Variants in FST observed in about 807,000 individuals in gnomAD.
FST encodes follistatin.
Under a neutral mutation model 38.4 loss-of-function variants are expected in FST, and 6 were observed. That is an observed-to-expected ratio of 0.16 (90% confidence interval 0.09 to 0.31). The LOEUF (loss-of-function observed/expected upper bound fraction) is 0.31. FST is among the 10% of genes least tolerant of loss of function. FST has a pLI of 1.00. For synonymous variants in FST, 157 were observed against 169.8 expected (o/e 0.92, Z 0.59); for missense variants, 301 against 432.3 (o/e 0.70, Z 2.69).
Position 53,482,995 on chromosome 5 carries a change from G to T in FST, c.201G>T (p.Glu67Asp). Residue 67 changes from glutamate to aspartate, a missense_variant, in exon 2 of 6, where the codon GAG (glutamate) becomes GAT (aspartate). By Grantham distance (45) the Glu-to-Asp change is conservative. Transcript: ENST00000256759. The part of the protein sequence containing the change: ...STGRLSTSWT[E>D]EDVNDNTLFK... The stretch of plus-strand genomic sequence containing the variant: ...GCCGGCTGAGCACCTCGTGGACCGA[G>T]GAGGACGTGAATGACAACACACTCT... The T allele has an allele frequency of 2.5e-6, 4 of 1,613,982 alleles. No individual in the cohort carries two copies. Among genetic ancestry groups the T allele is most frequent in the Non-Finnish European group, 3.4e-6 (4 of 1,179,836 alleles).
intron 1 of FST, among the ~76,000 whole-genome samples, chr5:53,481,462 C>CAAAAAAAAAAAAAAAA (rs70983342): frequency 8.3e-5 from 4 of 48,068 alleles, no homozygotes; most frequent in African/African-American, 3.5e-4. Flanking sequence ...CCCATTCTCG[C>CAAAAAAAAAAAAAAAA]AAAAAAAAAA....
chr5:53,483,087 C>G lies in FST; in HGVS notation c.277+16C>G. On this transcript the variant is annotated intron_variant, in intron 2 of 5. Transcript: ENST00000256759. The surrounding 1 kb of genome is among the most constrained non-coding windows in gnomAD (Gnocchi z 4.1). ...CCCTGTAAAGGTAGGACTCCTTCTT[C>G]CCAACTTGCAGGCCCTCAGTAGAGG... 6.3e-7 allele frequency: 1 copy of G among 1,589,682 alleles called. No individual in the cohort carries two copies. The highest frequency in any genetic ancestry group is 1.3e-5 in the African/African-American group (1 of 74,662).
At position 53,480,801 on chromosome 5, in the gene FST, G is replaced by A. The variant is rs1309603817; in HGVS notation, c.10G>A (p.Ala4Thr). MVR[A>T]RHQPGGLCLL... ...CGCGCCTGCCCCCAGGATGGTCCGC[G>A]CGAGGCACCAGCCGGGTGGGCTTTG... Residue 4 changes from alanine (A) to threonine (T), a missense_variant, in exon 1 of 6, where the codon GCG (alanine) becomes ACG (threonine). By Grantham distance (58) the Ala-to-Thr change is moderately conservative. Transcript: ENST00000256759. 1 of 1,505,952 alleles carries A rather than the reference G, an allele frequency of 6.6e-7. No individual in the cohort carries two copies. Among genetic ancestry groups the A allele is most frequent in the Non-Finnish European group, 8.9e-7 (1 of 1,123,200 alleles). The allele number at this position is 1,505,952 out of a possible 1,614,324, so 93.3% of individuals were successfully genotyped here.
At chr5:53,482,815 G>C (rs1396744555) in intron 1 of FST, 65 bp from the exon 2 acceptor site, 12 of 908,306 alleles carry the variant, frequency 1.3e-5, no homozygotes, top group African/African-American at 5.1e-5. Flanking sequence ...TAGCCACCTC[G>C]CTCTCCCTGC....
Position 53,483,749 on chromosome 5 carries a change from T to C in FST, c.496+27T>C. Reference sequence around the variant, plus strand: ...TAGGTCCTACCCTGTTGAGCAAGACTGGATCTGTCCCCTCCTCCAGCTTTG... The same window carrying C: ...TAGGTCCTACCCTGTTGAGCAAGACCGGATCTGTCCCCTCCTCCAGCTTTG... On this transcript the variant is annotated intron_variant, in intron 3 of 5. Transcript: ENST00000256759. The surrounding 1 kb of genome is among the most constrained non-coding windows in gnomAD (Gnocchi z 4.1). The C allele has an allele frequency of 6.5e-7, 1 of 1,533,080 alleles. No homozygotes were observed. Among genetic ancestry groups the C allele is most frequent in the Non-Finnish European group, 9.0e-7 (1 of 1,107,382 alleles). 95.0% of individuals were successfully genotyped at this position (1,533,080 alleles called of 1,614,324 possible). A position where few individuals can be genotyped will look rare whatever the true frequency, so the allele number is the denominator to read the frequency against.
In FST at chr5:53,485,138, A is replaced by G. The variant is rs759875592; in HGVS notation, c.863A>G (p.Asn288Ser). The G allele has an allele frequency of 2.0e-5, 32 of 1,613,378 alleles. No individual in the cohort carries two copies. The highest frequency in any genetic ancestry group is 2.5e-5 in the Non-Finnish European group (30 of 1,179,424). The change falls in exon 5 of 6, where the codon AAT becomes AGT. Residue 288 changes from asparagine to serine, a missense_variant. Asn to Ser is a conservative substitution (Grantham distance 46). Transcript: ENST00000256759. ...GATGAGCCTGTCTGTGCCAGTGACA[A>G]TGCCACTTATGCCAGCGAGTGTGCC... Reference protein sequence around the residue: ...KSDEPVCASDNATYASECAMK... With the variant: ...KSDEPVCASDSATYASECAMK...
chr5:53,484,911 A>T (rs1310071179), intron 4 of FST, 86 bp from the exon 5 acceptor site: 1 of 686,498 alleles, frequency 1.5e-6, no homozygotes, highest in Non-Finnish European at 2.6e-6. Flanking sequence ...AATTATGTTT[A>T]TATTTATTGA....
Position 53,486,049 on chromosome 5 carries a change from T to C in FST, c.*16T>C. On this transcript the variant is annotated 3_prime_UTR_variant, in exon 6 of 6. Coordinates refer to ENST00000256759, the MANE Select transcript of FST (RefSeq NM_013409.3). ...AGAGTGGTAAACTCTCTATAAGTGT[T>C]CAGTGTTGACATAGCCTTTGTGCAA... 1 of 1,079,338 alleles carries C rather than the reference T, an allele frequency of 9.3e-7. No homozygotes were observed. Among genetic ancestry groups the C allele is most frequent in the Non-Finnish European group, 1.3e-6 (1 of 748,648 alleles). The allele number at this position is 1,079,338 out of a possible 1,614,324, so 66.9% of individuals were successfully genotyped here. A position where few individuals can be genotyped will look rare whatever the true frequency, so the allele number is the denominator to read the frequency against.
chr5:53,482,739 C>T, intron 1 of FST, 141 bp from the exon 2 acceptor site: 2 of 576,260 alleles, frequency 3.5e-6, no homozygotes, highest in Non-Finnish European at 6.3e-6. Flanking sequence ...TACTTTTCTC[C>T]CGCGTCTCTC....
chr5:53,485,073 G>A lies in FST; in HGVS notation c.798G>A (p.Arg266=). 1 of 1,612,352 alleles carries A rather than the reference G, an allele frequency of 6.2e-7. No individual in the cohort carries two copies. Among genetic ancestry groups the A allele is most frequent in the Non-Finnish European group, 8.5e-7 (1 of 1,178,386 alleles). Residue 266 remains arginine, a synonymous_variant, in exon 5 of 6, where the codon CGG becomes CGA. Coordinates refer to ENST00000256759, the MANE Select transcript of FST (RefSeq NM_013409.3). ...GGGATTTCAAGGTTGGGAGAGGCCGGTGTTCCCTCTGTGATGAGCTGTGCC... is the reference window on the plus strand; with the variant it reads ...GGGATTTCAAGGTTGGGAGAGGCCGATGTTCCCTCTGTGATGAGCTGTGCC... The part of the protein sequence containing the change: ...CLWDFKVGRG[R]CSLCDELCPD...
At chr5:53,481,462 C>A (rs1365637216) in intron 1 of FST, among the ~76,000 whole-genome samples, 64 of 48,056 alleles carry the variant, frequency 1.3e-3, no homozygotes, top group East Asian at 4.0e-3. Context: ...CCCATTCTCG[C>A]AAAAAAAAAA....
chr5:53,486,005 T>C lies in FST; in HGVS notation c.1007T>C (p.Phe336Ser), dbSNP rs1429334660. The stretch of plus-strand genomic sequence containing the variant: ...GAAGATGAAGACCAGGACTACAGCT[T>C]TCCTATATCTTCTATTCTAGAGTGG... ...EEEDEDQDYS[F>S]PISSILEW The change falls in exon 6 of 6, where the codon TTT becomes TCT. Residue 336 changes from phenylalanine (F) to serine (S), a missense_variant. Coordinates refer to ENST00000256759, the MANE Select transcript of FST (RefSeq NM_013409.3). 6.3e-7 allele frequency: 1 copy of C among 1,591,846 alleles called. No individual in the cohort carries two copies. The highest frequency in any genetic ancestry group is 2.2e-5 in the East Asian group (1 of 44,760).
chr5:53,482,934 A>G lies in FST; in HGVS notation c.140A>G (p.Lys47Arg), dbSNP rs763604239. The change falls in exon 2 of 6, where the codon AAG becomes AGG. Residue 47 changes from lysine to arginine, a missense_variant. Lys to Arg is a conservative substitution (Grantham distance 26, BLOSUM62 2). Coordinates refer to ENST00000256759, the MANE Select transcript of FST (RefSeq NM_013409.3). The stretch of plus-strand genomic sequence containing the variant: ...AACGGCCGCTGCCAGGTCCTGTACA[A>G]GACCGAACTGAGCAAGGAGGAGTGC... ...AKNGRCQVLY[K>R]TELSKEECCS... 1 of 1,613,622 alleles carries G rather than the reference A, an allele frequency of 6.2e-7. No homozygotes were observed. The highest frequency in any genetic ancestry group is 1.7e-5 in the Admixed American group (1 of 60,028).
At chr5:53,485,569 A>T in intron 5 of FST, 1 of 737,056 alleles carries the variant, frequency 1.4e-6, no homozygotes, top group Non-Finnish European at 2.4e-6. Context: ...TTTTCCAACG[A>T]CAGCTTCATA....
intron 1 of FST, among the ~76,000 whole-genome samples, chr5:53,481,802 T>C (rs1033188285): frequency 1.3e-5 from 2 of 152,206 alleles, no homozygotes; most frequent in African/African-American, 4.8e-5. Context: ...GAGGGAGAAA[T>C]CACTTGCAAA....
intron 5 of FST, chr5:53,485,732 G>T: frequency 6.2e-7 from 1 of 1,610,412 alleles, no homozygotes; most frequent in South Asian, 1.1e-5. Context: ...AGAACTTTCT[G>T]CAGTTTTTGA....
chr5:53,484,116 G>T lies in FST; in HGVS notation c.544G>T (p.Asp182Tyr). The T allele has an allele frequency of 6.2e-7, 1 of 1,610,840 alleles. No homozygotes were observed. The highest frequency in any genetic ancestry group is 8.5e-7 in the Non-Finnish European group (1 of 1,177,004). Residue 182 changes from aspartate (D) to tyrosine (Y), a missense_variant, in exon 4 of 6, where the codon GAC becomes TAC. Asp to Tyr is a radical substitution (Grantham distance 160). Transcript: ENST00000256759. The part of the protein sequence containing the change: ...FCPGSSTCVV[D>Y]QTNNAYCVTC... The stretch of plus-strand genomic sequence containing the variant: ...TCCAGGCAGCTCCACATGTGTGGTG[G>T]ACCAGACCAATAATGCCTACTGTGT...
rs1444014292 is a variant in FST at position 53,484,942 on chromosome 5, G to A, written c.722-55G>A. 7.0e-6 allele frequency: 6 copies of A among 861,980 alleles called. No individual in the cohort carries two copies. In the Admixed American group the frequency reaches 1.0e-4, roughly 15 times the overall value. 53.4% of individuals were successfully genotyped at this position (861,980 alleles called of 1,614,324 possible). Reference sequence around the variant, plus strand: ...ATTGATAGAGGACTAGAGAAAGGGAGAAAAGGGGGATATGGGGAAATCAGT... The same window carrying A: ...ATTGATAGAGGACTAGAGAAAGGGAAAAAAGGGGGATATGGGGAAATCAGT... On this transcript the variant is annotated intron_variant, in intron 4 of 5. Coordinates refer to ENST00000256759, the MANE Select transcript of FST (RefSeq NM_013409.3).
chr5:53,485,546 GTTTTTTT>G, intron 5 of FST: 1 of 634,802 alleles, frequency 1.6e-6, no homozygotes, highest in Non-Finnish European at 2.8e-6. Context: ...TGCTTCAAAA[GTTTTTTT>G]TTTTTTTTTC....
Sources: gnomAD v4.1 joint callset for allele counts (sites outside exome capture counted in the v4.1 genomes callset) on GRCh38, gnomAD v4.1.1 for gene constraint, Gnocchi (gnomAD v3.1) non-coding constraint, MANE v1.5 for transcripts, NCBI Gene and HGNC (gene_info 2026-07-23, HGNC 2026-07-21) for gene names.